The following LRRC8C variants were observed in gnomAD, a reference collection of about 807,000 sequenced individuals.
LRRC8C encodes the protein volume-regulated anion channel subunit LRRC8C.
In LRRC8C, 20 loss-of-function variants were observed where a neutral mutation model predicts 55.3. That is an observed-to-expected ratio of 0.36 (90% CI 0.25 to 0.53). The LOEUF is 0.53. LRRC8C is among the 20% of genes least tolerant of loss of function. The pLI is 0.92. For synonymous variants in LRRC8C, 376 were observed against 360.7 expected, an observed-to-expected ratio of 1.04 and a Z score of -0.48; for missense variants, 659 against 951.4, an observed-to-expected ratio of 0.69 and a Z score of 4.04.
chr1:89,716,132 G>A lies in LRRC8C; in HGVS notation c.*1150G>A, dbSNP rs765075887. 2 of 152,076 alleles carry A rather than the reference G, an allele frequency of 1.3e-5. No homozygotes were observed. Among genetic ancestry groups the A allele is most frequent in the African/African-American group, 2.4e-5 (1 of 41,378 alleles). The allele number at this position is 152,076 out of a possible 1,614,324, so 9.4% of individuals were successfully genotyped here. A position where few individuals can be genotyped will look rare whatever the true frequency, so the allele number is the denominator to read the frequency against. On this transcript the variant is annotated 3_prime_UTR_variant, in exon 3 of 3. Coordinates refer to ENST00000370454, the MANE Select transcript of LRRC8C (RefSeq NM_032270.5). The stretch of plus-strand genomic sequence containing the variant: ...GTCATTATTCCCTAAACAATACAGC[G>A]TAACAACTATTTAAATAGGATTTAC...
chr1:89,703,607 G>A (rs1366236644), intron 2 of LRRC8C, among the ~76,000 whole-genome samples: 1 of 151,564 alleles, frequency 6.6e-6, no homozygotes, highest in African/African-American at 2.4e-5. Flanking sequence ...CAACAAATTG[G>A]TATAGTTCAG....
intron 1 of LRRC8C, among the ~76,000 whole-genome samples, chr1:89,647,190 A>C (rs1341109380): frequency 6.6e-6 from 1 of 152,232 alleles, no homozygotes; most frequent in African/African-American, 2.4e-5. Context: ...TCTTGTAAGT[A>C]CCATATCCTG....
chr1:89,664,366 C>A (rs1206723405), intron 1 of LRRC8C, among the ~76,000 whole-genome samples: 1 of 152,154 alleles, frequency 6.6e-6, no homozygotes, highest in Non-Finnish European at 1.5e-5. Context: ...ATACGGCTAG[C>A]CAGTTTTCCC....
rs1658797500 is a variant in LRRC8C, at chr1:89,715,653, A to G, written c.*671A>G. On this transcript the variant is annotated 3_prime_UTR_variant, in exon 3 of 3. Transcript: ENST00000370454. Reference sequence around the variant, plus strand: ...TTATCATTTAACTTATTTGCATTTTACCAACATTTTAAAAATATTTAAAAC... The same window carrying G: ...TTATCATTTAACTTATTTGCATTTTGCCAACATTTTAAAAATATTTAAAAC... The G allele has an allele frequency of 6.6e-6, 1 of 152,158 alleles. No individual in the cohort carries two copies. The highest frequency in any genetic ancestry group is 6.5e-5 in the Admixed American group (1 of 15,274). The allele number at this position is 152,158 out of a possible 1,614,324, so 9.4% of individuals were successfully genotyped here. A position where few individuals can be genotyped will look rare whatever the true frequency, so the allele number is the denominator to read the frequency against.
rs371842325 is a variant in LRRC8C at position 89,715,013 on chromosome 1, C to T, written c.*31C>T. 40 of 1,472,742 alleles carry T rather than the reference C, an allele frequency of 2.7e-5. No homozygotes were observed. The highest frequency in any genetic ancestry group is 3.3e-5 in the Non-Finnish European group (36 of 1,086,942). The allele number at this position is 1,472,742 out of a possible 1,614,324, so 91.2% of individuals were successfully genotyped here. On this transcript the variant is annotated 3_prime_UTR_variant, in exon 3 of 3. Coordinates refer to ENST00000370454, the MANE Select transcript of LRRC8C (RefSeq NM_032270.5). ...TTTTCGTTAAAGTTTGACTGAAACA[C>T]GCTTCTACCAAATACAGTATAAATA... is the stretch of plus-strand genomic sequence containing the variant.
At chr1:89,705,554 G>A (rs1293296283) in intron 2 of LRRC8C, among the ~76,000 whole-genome samples, 1 of 152,012 alleles carries the variant, frequency 6.6e-6, no homozygotes, top group Non-Finnish European at 1.5e-5. Flanking sequence ...TGAGGTGGGT[G>A]GATCGTTTTG....
chr1:89,630,038 C>T (rs187805515), upstream of LRRC8C, among the ~76,000 whole-genome samples: 6 of 152,196 alleles, frequency 3.9e-5, no homozygotes, highest in East Asian at 1.9e-4. Context: ...GGCGTGGTGG[C>T]GGGCACCTGT....
chr1:89,708,244 G>T (rs184227270), intron 2 of LRRC8C, among the ~76,000 whole-genome samples: 1 of 152,210 alleles, frequency 6.6e-6, no homozygotes, highest in Non-Finnish European at 1.5e-5. Context: ...GTGTGGATGA[G>T]CTGCTGGTGA....
At chr1:89,658,912 A>G (rs1657024036) in intron 1 of LRRC8C, among the ~76,000 whole-genome samples, 1 of 152,174 alleles carries the variant, frequency 6.6e-6, no homozygotes, top group Admixed American at 6.5e-5. Flanking sequence ...AGCCACTGCT[A>G]ATGGAAAAGC....
intron 2 of LRRC8C, among the ~76,000 whole-genome samples, chr1:89,707,520 A>G (rs768145600): frequency 6.6e-5 from 10 of 152,068 alleles, no homozygotes; most frequent in Non-Finnish European, 1.2e-4. Context: ...TTCTGCTTCC[A>G]TGGAAATCTT....
chr1:89,629,617 G>T (rs1656055210), upstream of LRRC8C: 1 of 152,124 alleles, frequency 6.6e-6, no homozygotes. Flanking sequence ...ACCAATACAA[G>T]AAACTGAAAC....
At chr1:89,649,319 T>G (rs1350340172) in intron 1 of LRRC8C, among the ~76,000 whole-genome samples, 1 of 152,212 alleles carries the variant, frequency 6.6e-6, no homozygotes, top group Non-Finnish European at 1.5e-5. Flanking sequence ...TGCAAAGTAC[T>G]ATTAAAGCAC....
chr1:89,682,174 C>T (rs921686361), intron 1 of LRRC8C, among the ~76,000 whole-genome samples: 4 of 152,028 alleles, frequency 2.6e-5, no homozygotes, highest in Admixed American at 2.0e-4. Context: ...GAGACTCTGT[C>T]TCAAAAAAAA....
chr1:89,706,342 C>T (rs1213380371), intron 2 of LRRC8C: 10 of 455,884 alleles, frequency 2.2e-5, no homozygotes, highest in South Asian at 1.4e-4. Flanking sequence ...TTGTTTTAAC[C>T]TCAGCCCTTT....
chr1:89,654,534 T>TA (rs566869287), intron 1 of LRRC8C, among the ~76,000 whole-genome samples: 23 of 152,304 alleles, frequency 1.5e-4, no homozygotes, highest in African/African-American at 5.3e-4. Flanking sequence ...CAATACTTTT[T>TA]AAGGAGAGAA....
chr1:89,685,532 G>T (rs1426507867), intron 1 of LRRC8C, among the ~76,000 whole-genome samples: 1 of 151,856 alleles, frequency 6.6e-6, no homozygotes, highest in African/African-American at 2.4e-5. Context: ...TCTCACAGTA[G>T]GAGGATGATT....
At chr1:89,618,170 T>C in the LRRC8C span, among the ~76,000 whole-genome samples, 4 of 152,206 alleles carry the variant, frequency 2.6e-5, no homozygotes, top group Non-Finnish European at 5.9e-5. Flanking sequence ...ATCCCATGGT[T>C]GGTCTTTCTG....
chr1:89,710,126 G>A (rs1204759046), intron 2 of LRRC8C, among the ~76,000 whole-genome samples: 1 of 152,136 alleles, frequency 6.6e-6, no homozygotes, highest in Non-Finnish European at 1.5e-5. Flanking sequence ...ATGTGCTCAA[G>A]GAAGCACATT....
chr1:89,626,960 GACACACACACACACACACACAC>G, the LRRC8C span: 2 of 122,606 alleles, frequency 1.6e-5, no homozygotes, highest in Non-Finnish European at 3.4e-5. Context: ...CTCTAGTCTA[GACACACACACACACACACACAC>G]ACACACACAC....
Sources: allele counts gnomAD v4.1 joint callset (sites outside exome capture counted in the v4.1 genomes callset), GRCh38; gene constraint gnomAD v4.1.1; transcripts MANE v1.5; gene names NCBI Gene and HGNC (gene_info 2026-07-23, HGNC 2026-07-21).